The following FBXL7 variants were observed in gnomAD, a reference collection of about 807,000 sequenced individuals.
The protein encoded by FBXL7 is F-box and leucine rich repeat protein 7, also known as F-box/LRR-repeat protein 7.
A neutral mutation model predicts 38.3 loss-of-function variants in FBXL7; 12 were observed. That is an observed-to-expected ratio of 0.31 (90% CI 0.20 to 0.51). FBXL7 has a LOEUF of 0.51. FBXL7 is among the 20% of genes least tolerant of loss of function. The pLI, the probability that FBXL7 is intolerant of heterozygous loss-of-function variation, is 0.98. For synonymous variants in FBXL7, 297 were observed against 300.9 expected, an observed-to-expected ratio of 0.99 and a Z score of 0.13; for missense variants, 567 against 676.4, an observed-to-expected ratio of 0.84 and a Z score of 1.79.
chr5:15,699,624 G>T (rs1219559266), intron 2 of FBXL7, among the ~76,000 whole-genome samples: 1 of 152,226 alleles, frequency 6.6e-6, no homozygotes, highest in Non-Finnish European at 1.5e-5. Context: ...GAAAGAAGGA[G>T]TATGTGCCTA....
chr5:15,917,999 G>A (rs1561187839), intron 2 of FBXL7, among the ~76,000 whole-genome samples: 1 of 152,140 alleles, frequency 6.6e-6, no homozygotes, highest in Non-Finnish European at 1.5e-5. Flanking sequence ...AGCACTTTGG[G>A]AGGCTGAGGC....
intron 2 of FBXL7, among the ~76,000 whole-genome samples, chr5:15,648,671 G>T (rs546886531): frequency 6.6e-6 from 1 of 152,306 alleles, no homozygotes; most frequent in African/African-American, 2.4e-5. Flanking sequence ...CCATGTGTTT[G>T]TGCAAAGCTT....
chr5:15,905,458 C>A (rs987309921), intron 2 of FBXL7, among the ~76,000 whole-genome samples: 2 of 152,032 alleles, frequency 1.3e-5, no homozygotes, highest in Non-Finnish European at 2.9e-5. Flanking sequence ...ACAATTTCCA[C>A]CCTGAGGCTT....
intron 1 of FBXL7, among the ~76,000 whole-genome samples, chr5:15,575,107 A>G (rs1189062721): frequency 6.6e-6 from 1 of 152,110 alleles, no homozygotes; most frequent in Non-Finnish European, 1.5e-5. Flanking sequence ...AACATCCTAA[A>G]ATACACAGGA....
chr5:15,871,216 T>C (rs926304104), intron 2 of FBXL7, among the ~76,000 whole-genome samples: 18 of 152,208 alleles, frequency 1.2e-4, no homozygotes, highest in Middle Eastern at 3.4e-3. Flanking sequence ...CTGCAGACTG[T>C]TAGAAGGAAA....
chr5:15,799,205 A>G (rs1189307893), intron 2 of FBXL7, among the ~76,000 whole-genome samples: 1 of 152,150 alleles, frequency 6.6e-6, no homozygotes, highest in Non-Finnish European at 1.5e-5. Context: ...TGCATGTTGC[A>G]ATACAAGACA....
At chr5:15,889,057 G>A (rs931087431) in intron 2 of FBXL7, among the ~76,000 whole-genome samples, 1 of 152,002 alleles carries the variant, frequency 6.6e-6, no homozygotes, top group Non-Finnish European at 1.5e-5. Context: ...ATCATAAATA[G>A]TCAAGGAAGC....
At chr5:15,659,695 T>C (rs1741996395) in intron 2 of FBXL7, among the ~76,000 whole-genome samples, 1 of 152,200 alleles carries the variant, frequency 6.6e-6, no homozygotes, top group African/African-American at 2.4e-5. Flanking sequence ...AGGAGTATAA[T>C]GCCCACGGTT....
chr5:15,865,426 T>C (rs1404352078), intron 2 of FBXL7, among the ~76,000 whole-genome samples: 2 of 152,190 alleles, frequency 1.3e-5, no homozygotes, highest in Non-Finnish European at 2.9e-5. Context: ...GAGAAAGATT[T>C]GAATTGAGAT....
intron 2 of FBXL7, among the ~76,000 whole-genome samples, chr5:15,714,743 G>T (rs1007845427): frequency 1.3e-5 from 2 of 151,860 alleles, no homozygotes; most frequent in Non-Finnish European, 1.5e-5. Flanking sequence ...CAGCTACTCG[G>T]GAGGCTGAGG....
At chr5:15,708,445 A>G (rs912255889) in intron 2 of FBXL7, among the ~76,000 whole-genome samples, 7 of 152,148 alleles carry the variant, frequency 4.6e-5, no homozygotes, top group Non-Finnish European at 8.8e-5. Flanking sequence ...TACCTGAAAC[A>G]TGTGTGATCC....
In FBXL7 at chr5:15,500,675, G is replaced by A; in HGVS notation, c.-2G>A. The A allele has an allele frequency of 6.2e-7, 1 of 1,612,362 alleles. No homozygotes were observed. The highest frequency in any genetic ancestry group is 8.5e-7 in the Non-Finnish European group (1 of 1,179,016). On this transcript the variant is annotated 5_prime_UTR_variant, in exon 1 of 4. Transcript: ENST00000504595. ...GGAGACGGCGGGCATGACGGCTACA[G>A]GATGGGCGCGAACAATGGCAAACAG...
At chr5:15,722,569 C>T (rs1744228269) in intron 2 of FBXL7, among the ~76,000 whole-genome samples, 1 of 152,184 alleles carries the variant, frequency 6.6e-6, no homozygotes, top group Non-Finnish European at 1.5e-5. Context: ...TCTTGGCCGG[C>T]TCATTTCCTG....
intron 1 of FBXL7, among the ~76,000 whole-genome samples, chr5:15,518,369 T>C (rs1737003693): frequency 6.6e-6 from 1 of 152,188 alleles, no homozygotes; most frequent in African/African-American, 2.4e-5. Context: ...CTGCCACTTA[T>C]TTTTATTATT....
In FBXL7 at chr5:15,795,496, C is replaced by T. The variant is rs75103559; in HGVS notation, c.128-132394C>T. 4.8e-3 allele frequency among the ~76,000 whole-genome samples: 731 copies of T among 152,272 alleles called. 3 individuals are homozygous for T. Among genetic ancestry groups the T allele is most frequent in the Middle Eastern group, 0.014 (4 of 292 alleles). ...AGGAATTCTAAAAAAGGTATGCCTA[C>T]CGGCCAGATATTGCAGTTGTCATCT... On this transcript the variant is annotated intron_variant, in intron 2 of 3. Coordinates refer to ENST00000504595, the MANE Select transcript of FBXL7 (RefSeq NM_012304.5).
At chr5:15,916,097 A>G (rs1407120481) in intron 2 of FBXL7, among the ~76,000 whole-genome samples, 3 of 152,198 alleles carry the variant, frequency 2.0e-5, no homozygotes, top group Non-Finnish European at 4.4e-5. Flanking sequence ...ACCCTTGTAC[A>G]CATTGTATTG....
intron 2 of FBXL7, among the ~76,000 whole-genome samples, chr5:15,750,652 G>C (rs572510344): frequency 4.6e-5 from 7 of 152,120 alleles, no homozygotes; most frequent in African/African-American, 1.7e-4. Flanking sequence ...CCTATGTCTT[G>C]GGCCATGTCA....
rs1157372026 is a variant in FBXL7 at position 15,715,489 on chromosome 5, CAAAA to C, written c.127+99437_127+99440del. ...CTGGTGACAGAGCGAGACTCCGTCTCAAAAAAAAAAAAAAAAAAAAAAAGTAGAG... is the reference window on the plus strand; with the variant it reads ...CTGGTGACAGAGCGAGACTCCGTCTCAAAAAAAAAAAAAAAAAAAGTAGAG... On this transcript the variant is annotated intron_variant, in intron 2 of 3. Coordinates refer to ENST00000504595, the MANE Select transcript of FBXL7 (RefSeq NM_012304.5). Among the ~76,000 whole-genome samples, 31 of 75,268 alleles carry C rather than the reference CAAAA, an allele frequency of 4.1e-4. No homozygotes were observed. In the South Asian group the frequency reaches 4.3e-3, roughly 10 times the overall value. The allele number at this position is 75,268 out of a possible 152,430, so 49.4% of individuals were successfully genotyped here.
intron 2 of FBXL7, among the ~76,000 whole-genome samples, chr5:15,622,725 G>A (rs1347733730): frequency 6.6e-6 from 1 of 152,098 alleles, no homozygotes; most frequent in Non-Finnish European, 1.5e-5. Context: ...TATTTTTTGA[G>A]ATGGAGTCTT....
Sources: gnomAD v4.1 joint callset for allele counts (sites outside exome capture counted in the v4.1 genomes callset) on GRCh38, gnomAD v4.1.1 for gene constraint, MANE v1.5 for transcripts, NCBI Gene and HGNC (gene_info 2026-07-23, HGNC 2026-07-21) for gene names.